Variants in CACNA2D3 observed in about 807,000 individuals in gnomAD.
CACNA2D3 encodes calcium voltage-gated channel auxiliary subunit alpha2delta 3.
A neutral mutation model predicts 160.6 loss-of-function variants in CACNA2D3; 60 were observed. The ratio of observed to expected loss-of-function variants is 0.37; its 90% CI spans 0.30 to 0.46. The LOEUF is 0.46. CACNA2D3 is among the 20% of genes least tolerant of loss of function. CACNA2D3 has a pLI of 1.00. For missense variants in CACNA2D3, 1,205 were observed against 1,365.0 expected (o/e 0.88, Z 1.85); for synonymous variants, 558 against 492.9 (o/e 1.13, Z -1.75).
At chr3:54,615,978 C>T (rs1352902261) in intron 9 of CACNA2D3, among the ~76,000 whole-genome samples, 1 of 152,120 alleles carries the variant, frequency 6.6e-6, no homozygotes, top group African/African-American at 2.4e-5. Flanking sequence ...CTAAGTAATG[C>T]CTGATGATTT....
chr3:54,773,477 A>G (rs754423147), intron 13 of CACNA2D3, among the ~76,000 whole-genome samples: 5 of 152,214 alleles, frequency 3.3e-5, no homozygotes, highest in Non-Finnish European at 7.3e-5. Context: ...CATGGCAAGG[A>G]GGAAACTGAT....
chr3:54,681,982 C>T (rs1181250510), intron 11 of CACNA2D3, among the ~76,000 whole-genome samples: 1 of 152,044 alleles, frequency 6.6e-6, no homozygotes, highest in East Asian at 1.9e-4. Flanking sequence ...CCATGCCCAG[C>T]CCCTGATGCA....
intron 5 of CACNA2D3, among the ~76,000 whole-genome samples, chr3:54,549,693 C>T (rs1702125047): frequency 6.6e-6 from 1 of 152,200 alleles, no homozygotes; most frequent in Non-Finnish European, 1.5e-5. Context: ...TATGTCTTTG[C>T]TCCAGCAGTA....
chr3:54,705,776 G>A (rs564249488), intron 11 of CACNA2D3, among the ~76,000 whole-genome samples: 3 of 152,260 alleles, frequency 2.0e-5, no homozygotes, highest in African/African-American at 7.2e-5. Context: ...TTCAAATAAT[G>A]TGCTGATCCT....
At chr3:54,715,049 A>G (rs933598425) in intron 11 of CACNA2D3, among the ~76,000 whole-genome samples, 10 of 152,284 alleles carry the variant, frequency 6.6e-5, no homozygotes, top group African/African-American at 2.2e-4. Flanking sequence ...TTCTGACACT[A>G]TCTACCTGGA....
intron 13 of CACNA2D3, among the ~76,000 whole-genome samples, chr3:54,796,783 T>C (rs1309744958): frequency 6.6e-6 from 1 of 152,184 alleles, no homozygotes; most frequent in African/African-American, 2.4e-5. Context: ...AAGAGCTACA[T>C]AGTCACTTAC....
chr3:54,288,335 A>C lies in CACNA2D3; in HGVS notation c.205-32107A>C, dbSNP rs1054369207. On this transcript the variant is annotated intron_variant, in intron 2 of 37. Transcript: ENST00000474759. The stretch of plus-strand genomic sequence containing the variant: ...CTAGAAAATCTAGAAGAAATGGATA[A>C]ATTCCTCGACACATACACCCTCCCA... 3.1e-4 allele frequency among the ~76,000 whole-genome samples: 47 copies of C among 152,316 alleles called. No homozygotes were observed. In the East Asian group the frequency reaches 5.2e-3, roughly 17 times the overall value.
intron 27 of CACNA2D3, among the ~76,000 whole-genome samples, chr3:54,954,655 C>T (rs995409921): frequency 2.0e-5 from 3 of 152,142 alleles, no homozygotes; most frequent in Non-Finnish European, 4.4e-5. Context: ...CAAACTGGCC[C>T]AGGCAGTTCC....
intron 11 of CACNA2D3, among the ~76,000 whole-genome samples, chr3:54,742,132 G>T (rs1032956983): frequency 6.6e-6 from 1 of 152,142 alleles, no homozygotes; most frequent in Non-Finnish European, 1.5e-5. Flanking sequence ...TTCAAATAGT[G>T]CTGGGGCTGG....
At chr3:54,125,607 G>C (rs1454005097) in intron 2 of CACNA2D3, among the ~76,000 whole-genome samples, 1 of 152,180 alleles carries the variant, frequency 6.6e-6, no homozygotes, top group Non-Finnish European at 1.5e-5. Context: ...TCACGGCTTT[G>C]GGTTACTTGG....
chr3:54,220,388 C>G (rs1701545211), intron 2 of CACNA2D3, among the ~76,000 whole-genome samples: 1 of 152,148 alleles, frequency 6.6e-6, no homozygotes, highest in Non-Finnish European at 1.5e-5. Flanking sequence ...AACTGACCAA[C>G]ATACAGGTGA....
chr3:54,568,605 A>T (rs1702446020), intron 6 of CACNA2D3, among the ~76,000 whole-genome samples: 1 of 152,240 alleles, frequency 6.6e-6, no homozygotes, highest in Non-Finnish European at 1.5e-5. Context: ...AGATATTTTT[A>T]AATTAATTGC....
At chr3:54,921,183 GCTCTTCACCTCTGTCTTGGGAGA>G (rs1700839153) in intron 27 of CACNA2D3, among the ~76,000 whole-genome samples, 1 of 24,920 alleles carries the variant, frequency 4.0e-5, no homozygotes, top group African/African-American at 1.8e-4. Flanking sequence ...ATCACTAGTA[GCTCTTCACCTCTGTCTTGGGAGA>G]AACTAGATTC....
rs990828365 is a variant in CACNA2D3 at position 54,480,180 on chromosome 3, C to CA, written c.382-23303dup. ...GCAACATAGTGAGACCCTGTCTCTA[C>CA]AAAAAAAAAGAAGGAAAGAAAACTT... On this transcript the variant is annotated intron_variant, in intron 4 of 37. Transcript: ENST00000474759. Among the ~76,000 whole-genome samples the CA allele has an allele frequency of 3.3e-4, 49 of 150,280 alleles. 1 individual carries two copies. The East Asian group carries it at 3.3e-3, about 10-fold the overall frequency.
At chr3:54,974,163 A>C (rs922457013) in intron 29 of CACNA2D3, among the ~76,000 whole-genome samples, 3 of 152,200 alleles carry the variant, frequency 2.0e-5, no homozygotes, top group African/African-American at 7.2e-5. Context: ...GTTTCTGAAA[A>C]ACTGTACAAT....
intron 13 of CACNA2D3, among the ~76,000 whole-genome samples, chr3:54,785,497 A>G (rs1474497666): frequency 6.6e-6 from 1 of 152,126 alleles, no homozygotes; most frequent in Non-Finnish European, 1.5e-5. Context: ...AAATGTTAAG[A>G]ACTATGGGAA....
intron 3 of CACNA2D3, among the ~76,000 whole-genome samples, chr3:54,374,380 T>TGGAG (rs1280309971): frequency 1.3e-5 from 2 of 152,240 alleles, no homozygotes; most frequent in Admixed American, 6.5e-5. Flanking sequence ...GAATCTGACC[T>TGGAG]GGAGCCCTGC....
chr3:54,993,104 C>T (rs761617465), intron 31 of CACNA2D3, among the ~76,000 whole-genome samples: 15 of 152,180 alleles, frequency 9.9e-5, no homozygotes, highest in Non-Finnish European at 1.8e-4. Flanking sequence ...GATCCAATCT[C>T]GGCCCCACCT....
chr3:54,548,065 G>C (rs112509859), intron 5 of CACNA2D3, among the ~76,000 whole-genome samples: 1 of 152,126 alleles, frequency 6.6e-6, no homozygotes, highest in African/African-American at 2.4e-5. Context: ...GTTCTGGACA[G>C]TGTTAAGGCT....
Sources: gnomAD v4.1 joint callset for allele counts (sites outside exome capture counted in the v4.1 genomes callset) on GRCh38, gnomAD v4.1.1 for gene constraint, MANE v1.5 for transcripts, NCBI Gene and HGNC (gene_info 2026-07-23, HGNC 2026-07-21) for gene names.